PRKAG2: variants seen among roughly 807,000 people sequenced by gnomAD.
PRKAG2 encodes protein kinase AMP-activated non-catalytic subunit gamma 2, also known as 5'-AMP-activated protein kinase subunit gamma-2.
Under a neutral mutation model 69.6 loss-of-function variants are expected in PRKAG2, and 26 were observed. That is an observed-to-expected ratio of 0.37 (90% CI 0.27 to 0.52). The LOEUF is 0.52. PRKAG2 is among the 20% of genes least tolerant of loss of function. PRKAG2 has a pLI of 0.90. For missense variants in PRKAG2, 557 were observed against 740.0 expected, an observed-to-expected ratio of 0.75 and a Z score of 2.87; for synonymous variants, 293 against 285.0, an observed-to-expected ratio of 1.03 and a Z score of -0.28.
At chr7:151,558,389 G>A in intron 15 of PRKAG2, 10 of 985,442 alleles carry the variant, frequency 1.0e-5, no homozygotes, top group Non-Finnish European at 1.2e-5. Context: ...GCACACACAT[G>A]GCTTTTGTGC....
intron 1 of PRKAG2, among the ~76,000 whole-genome samples, chr7:151,873,735 G>GC (rs2080273766): frequency 6.6e-6 from 1 of 152,194 alleles, no homozygotes; most frequent in Non-Finnish European, 1.5e-5. Flanking sequence ...CTATAACATG[G>GC]TTTTTCAACG....
chr7:151,636,930 C>A (rs1484144188), intron 4 of PRKAG2, among the ~76,000 whole-genome samples: 1 of 152,172 alleles, frequency 6.6e-6, no homozygotes, highest in Non-Finnish European at 1.5e-5. Context: ...GTCTCGAACT[C>A]CTGACCTCAG....
At chr7:151,640,773 G>C (rs1199849439) in intron 4 of PRKAG2, among the ~76,000 whole-genome samples, 1 of 152,000 alleles carries the variant, frequency 6.6e-6, no homozygotes, top group African/African-American at 2.4e-5. Context: ...CACTGGCTTG[G>C]GATTTACTTT....
intron 4 of PRKAG2, among the ~76,000 whole-genome samples, chr7:151,634,104 T>C (rs949321513): frequency 2.6e-5 from 4 of 152,082 alleles, no homozygotes; most frequent in Admixed American, 6.6e-5. Flanking sequence ...TCGCTTAATA[T>C]TAAAGCAAAC....
chr7:151,648,675 T>C (rs1585483932), intron 4 of PRKAG2, among the ~76,000 whole-genome samples: 1 of 152,178 alleles, frequency 6.6e-6, no homozygotes, highest in Non-Finnish European at 1.5e-5. Context: ...TCATGGGTCA[T>C]GAAATCAATT....
intron 6 of PRKAG2, among the ~76,000 whole-genome samples, chr7:151,586,231 C>T (rs1442453005): frequency 6.6e-6 from 1 of 152,212 alleles, no homozygotes; most frequent in East Asian, 1.9e-4. Flanking sequence ...GGACCTCGTG[C>T]CAGGCTCTGC....
At chr7:151,797,095 G>A (rs902240454) in intron 1 of PRKAG2, among the ~76,000 whole-genome samples, 1 of 151,842 alleles carries the variant, frequency 6.6e-6, no homozygotes, top group Non-Finnish European at 1.5e-5. Flanking sequence ...TCCAGTCATC[G>A]GCCACCCAGA....
chr7:151,599,895 C>G (rs2151159303), intron 5 of PRKAG2, among the ~76,000 whole-genome samples: 2 of 152,338 alleles, frequency 1.3e-5, no homozygotes, highest in Admixed American at 6.5e-5. Flanking sequence ...TTAAACACTC[C>G]TGCTCCGTAT....
intron 3 of PRKAG2, among the ~76,000 whole-genome samples, chr7:151,703,903 C>CAA (rs1838165353): frequency 7.7e-6 from 1 of 129,460 alleles, no homozygotes; most frequent in East Asian, 2.2e-4. Context: ...CACACACACA[C>CAA]ACACACAAAT....
rs1259904889 is a variant in PRKAG2 at position 151,807,447 on chromosome 7, A to G, written c.115-20906T>C. The G allele has an allele frequency of 4.4e-6, 2 of 457,870 alleles. No homozygotes were observed. The highest frequency in any genetic ancestry group is 2.3e-5 in the Admixed American group (1 of 42,584). The allele number at this position is 457,870 out of a possible 1,614,324, so 28.4% of individuals were successfully genotyped here. On this transcript the variant is annotated intron_variant, in intron 1 of 15. Coordinates refer to ENST00000287878, the MANE Select transcript of PRKAG2 (RefSeq NM_016203.4). This position sits in a 1 kb window ranked among gnomAD's most constrained non-coding sequence, Gnocchi z 4.4. Reference sequence around the variant, plus strand: ...TTATTCTCTAAAACTCTCCAGTTTCAATTGGCCTCTTGGTGCCAAAGCACC... The same window carrying G: ...TTATTCTCTAAAACTCTCCAGTTTCGATTGGCCTCTTGGTGCCAAAGCACC...
chr7:151,799,232 A>G (rs1020911603), intron 1 of PRKAG2, among the ~76,000 whole-genome samples: 16 of 152,324 alleles, frequency 1.1e-4, no homozygotes, highest in African/African-American at 3.8e-4. Context: ...AGTTGCTCAG[A>G]GCCACATGGT....
At position 151,719,842 on chromosome 7, in the gene PRKAG2, C is replaced by G. The variant is rs779941508; in HGVS notation, c.467-44205G>C. On this transcript the variant is annotated intron_variant, in intron 3 of 15. Transcript: ENST00000287878. The surrounding 1 kb of genome is among the most constrained non-coding windows in gnomAD (Gnocchi z 5.2). ...GCCTGTAAGTTGGGGCTCCAAGTAA[C>G]GCCTTCCCTGGCCCCTGTGCCTACT... is the stretch of plus-strand genomic sequence containing the variant. Among the ~76,000 whole-genome samples the G allele has an allele frequency of 1.3e-5, 2 of 152,192 alleles. No individual in the cohort carries two copies. The highest frequency in any genetic ancestry group is 4.8e-5 in the African/African-American group (2 of 41,454).
chr7:151,870,145 A>G (rs2080181300), intron 1 of PRKAG2, among the ~76,000 whole-genome samples: 1 of 132,554 alleles, frequency 7.5e-6, no homozygotes, highest in African/African-American at 2.7e-5. Context: ...AGATAGATAG[A>G]TAGATAGATA....
At chr7:151,813,026 C>T (rs2078501881) in intron 1 of PRKAG2, among the ~76,000 whole-genome samples, 1 of 151,942 alleles carries the variant, frequency 6.6e-6, no homozygotes, top group Non-Finnish European at 1.5e-5. Flanking sequence ...AGGTGAGAAA[C>T]CCCCAGACCT....
chr7:151,725,863 C>T (rs944824293), intron 3 of PRKAG2, among the ~76,000 whole-genome samples: 1 of 152,124 alleles, frequency 6.6e-6, no homozygotes, highest in Non-Finnish European at 1.5e-5. Flanking sequence ...CCTCGAAATC[C>T]CGGTGGCTGA....
In PRKAG2 at chr7:151,592,605, C is replaced by T. The variant is rs961204649; in HGVS notation, c.864+2740G>A. Among the ~76,000 whole-genome samples the T allele has an allele frequency of 7.9e-5, 12 of 152,304 alleles. No homozygotes were observed. In the East Asian group the frequency reaches 1.9e-3, roughly 24 times the overall value. ...CTCGCCTTGGTCCCTAGAGCAGTTA[C>T]GGCTCTGATGACGTCGTATCCTCAG... On this transcript the variant is annotated intron_variant, in intron 6 of 15. Coordinates refer to ENST00000287878, the MANE Select transcript of PRKAG2 (RefSeq NM_016203.4).
intron 3 of PRKAG2, among the ~76,000 whole-genome samples, chr7:151,773,011 A>G (rs1370368332): frequency 1.2e-4 from 2 of 16,434 alleles, no homozygotes; most frequent in African/African-American, 1.2e-3. Context: ...GAAAGAAAGA[A>G]AGAAAGAAAG....
chr7:151,605,772 T>C (rs1437291703), intron 5 of PRKAG2, among the ~76,000 whole-genome samples: 1 of 152,062 alleles, frequency 6.6e-6, no homozygotes, highest in Non-Finnish European at 1.5e-5. Context: ...ACCCTGTCTC[T>C]ACTAAAAATA....
chr7:151,635,403 G>A (rs1388163796), intron 4 of PRKAG2, among the ~76,000 whole-genome samples: 2 of 152,218 alleles, frequency 1.3e-5, no homozygotes, highest in African/African-American at 4.8e-5. Flanking sequence ...ATTCATAGCA[G>A]CTTTTTTGCA....
Sources: gnomAD v4.1 joint callset for allele counts (sites outside exome capture counted in the v4.1 genomes callset) on GRCh38, gnomAD v4.1.1 for gene constraint, Gnocchi (gnomAD v3.1) non-coding constraint, MANE v1.5 for transcripts, NCBI Gene and HGNC (gene_info 2026-07-23, HGNC 2026-07-21) for gene names.